Variants in FABP6 observed in about 807,000 individuals in gnomAD.
FABP6 encodes the protein gastrotropin.
FABP6 carries 13 observed loss-of-function variants against 14.9 expected under a neutral mutation model. The observed-to-expected ratio is 0.87, with a 90% CI of 0.57 to 1.39. The LOEUF (loss-of-function observed/expected upper bound fraction) is 1.39. FABP6 is among the 40% of genes most tolerant of loss of function. The probability of loss-of-function intolerance (pLI) is 0.00; values close to 1 mark genes in which losing one functional copy is unlikely to be tolerated. For missense variants in FABP6, 161 were observed against 167.2 expected, an observed-to-expected ratio of 0.96 and a Z score of 0.20; for synonymous variants, 75 against 63.6, an observed-to-expected ratio of 1.18 and a Z score of -0.85.
At chr5:160,236,445 G>T (rs1760517080) in intron 3 of FABP6, among the ~76,000 whole-genome samples, 1 of 152,060 alleles carries the variant, frequency 6.6e-6, no homozygotes, top group African/African-American at 2.4e-5. Context: ...TGGGTTTGGT[G>T]GGGGGACACA....
chr5:160,229,462 A>G, upstream of FABP6: 1 of 1,592,558 alleles, frequency 6.3e-7, no homozygotes. Context: ...GCTGAGCCTC[A>G]GCAACTGGGA....
chr5:160,192,832 C>T (rs1307814589), intron 1 of FABP6, among the ~76,000 whole-genome samples: 1 of 152,276 alleles, frequency 6.6e-6, no homozygotes, highest in Non-Finnish European at 1.5e-5. Flanking sequence ...AAATCCCACG[C>T]TGGGGTTGAT....
intron 1 of FABP6, among the ~76,000 whole-genome samples, chr5:160,187,769 T>TTTATTTA (rs1759315625): frequency 2.4e-5 from 3 of 125,578 alleles, no homozygotes; most frequent in South Asian, 2.4e-4. Flanking sequence ...TTATTTATTT[T>TTTATTTA]TTGAGACAGT....
At chr5:160,222,552 T>C (rs1760150717) in intron 3 of FABP6, among the ~76,000 whole-genome samples, 1 of 152,196 alleles carries the variant, frequency 6.6e-6, no homozygotes, top group African/African-American at 2.4e-5. Context: ...CAGGCTGGTC[T>C]CAAACTCTTG....
At chr5:160,229,428 GA>G, upstream of FABP6, 1 of 1,539,806 alleles carries the variant, frequency 6.5e-7, no homozygotes, top group Non-Finnish European at 8.8e-7. Context: ...GGACAGGAGG[GA>G]GAAGAAGTGG....
chr5:160,213,573 G>A (rs1464086791), intron 2 of FABP6, among the ~76,000 whole-genome samples: 1 of 152,176 alleles, frequency 6.6e-6, no homozygotes, highest in Non-Finnish European at 1.5e-5. Context: ...TGATCCAGTC[G>A]ATATCCTTTT....
At chr5:160,194,109 C>T (rs1336811526) in intron 1 of FABP6, among the ~76,000 whole-genome samples, 1 of 152,206 alleles carries the variant, frequency 6.6e-6, no homozygotes, top group Non-Finnish European at 1.5e-5. Flanking sequence ...GCTGGGGGAC[C>T]CAGTACACCC....
At chr5:160,237,749 T>A (rs1221707364) in intron 3 of FABP6, among the ~76,000 whole-genome samples, 2 of 152,152 alleles carry the variant, frequency 1.3e-5, no homozygotes. Context: ...TCTACAGGTA[T>A]GCTCTCCCCA....
intron 3 of FABP6, among the ~76,000 whole-genome samples, chr5:160,217,019 C>T (rs780180718): frequency 1.3e-5 from 2 of 152,126 alleles, no homozygotes; most frequent in Non-Finnish European, 2.9e-5. Context: ...GCCTCTGTTT[C>T]CTCATCTACA....
At chr5:160,214,832 C>G (rs184556935) in intron 3 of FABP6, among the ~76,000 whole-genome samples, 1 of 151,930 alleles carries the variant, frequency 6.6e-6, no homozygotes, top group East Asian at 2.0e-4. Flanking sequence ...CAACTCAACT[C>G]AAAAGTGGGT....
intron 3 of FABP6, among the ~76,000 whole-genome samples, chr5:160,235,229 G>GA (rs1189177329): frequency 6.6e-6 from 1 of 152,154 alleles, no homozygotes; most frequent in African/African-American, 2.4e-5. Flanking sequence ...CACGAGACTG[G>GA]AAGCCCGGAA....
chr5:160,219,158 T>A (rs1057014412), intron 3 of FABP6, among the ~76,000 whole-genome samples: 3 of 152,156 alleles, frequency 2.0e-5, no homozygotes, highest in Admixed American at 6.6e-5. Flanking sequence ...CTCTGATAGT[T>A]CACTTACTCT....
chr5:160,206,474 T>C (rs2113091501), intron 2 of FABP6, among the ~76,000 whole-genome samples: 1 of 152,140 alleles, frequency 6.6e-6, no homozygotes, highest in Admixed American at 6.6e-5. Context: ...TCTACATGTA[T>C]CCACAGTGAT....
chr5:160,195,924 C>G (rs1376492052), intron 1 of FABP6: 1 of 152,320 alleles, frequency 6.6e-6, no homozygotes, highest in Non-Finnish European at 1.5e-5. Context: ...CTGCAGCCCT[C>G]TTGGGACCCG....
chr5:160,223,786 C>G (rs948439625), intron 3 of FABP6, among the ~76,000 whole-genome samples: 28 of 151,690 alleles, frequency 1.8e-4, no homozygotes, highest in African/African-American at 6.0e-4. Flanking sequence ...CTTCTTATTC[C>G]CTGAGACACA....
chr5:160,229,708 C>A, intron 1 of FABP6, 84 bp downstream of exon 1: 1 of 1,260,128 alleles, frequency 7.9e-7, no homozygotes, highest in Non-Finnish European at 1.2e-6. Flanking sequence ...TAGAATGGGA[C>A]AGGATTTCAT....
chr5:160,214,600 C>A lies in FABP6; in HGVS notation c.135+781C>A, dbSNP rs550228710. Among the ~76,000 whole-genome samples, 15 of 152,126 alleles carry A rather than the reference C, an allele frequency of 9.9e-5. No homozygotes were observed. In the South Asian group the frequency reaches 2.7e-3, roughly 27 times the overall value. On this transcript the variant is annotated intron_variant, in intron 3 of 6. Transcript: ENST00000393980. Reference sequence around the variant, plus strand: ...ATGTGGCTGGCATGAGCCACCATGCCTGGCCTCAAGTGGATTTCTTGACTT... The same window carrying A: ...ATGTGGCTGGCATGAGCCACCATGCATGGCCTCAAGTGGATTTCTTGACTT...
intron 2 of FABP6, among the ~76,000 whole-genome samples, chr5:160,201,165 T>G (rs1759630931): frequency 6.6e-6 from 1 of 151,708 alleles, no homozygotes; most frequent in African/African-American, 2.4e-5. Flanking sequence ...AGACCAGCCT[T>G]GGCAACATGG....
intron 3 of FABP6, among the ~76,000 whole-genome samples, chr5:160,222,827 A>G (rs897625650): frequency 9.2e-5 from 14 of 152,168 alleles, no homozygotes; most frequent in African/African-American, 3.4e-4. Flanking sequence ...TTCAATCCCA[A>G]TTTGACAAAA....
Sources: allele counts gnomAD v4.1 joint callset (sites outside exome capture counted in the v4.1 genomes callset), GRCh38; gene constraint gnomAD v4.1.1; transcripts MANE v1.5; gene names NCBI Gene and HGNC (gene_info 2026-07-23, HGNC 2026-07-21).